The following ADAMTS2 variants were observed in gnomAD, a reference collection of about 807,000 sequenced individuals.
ADAMTS2 encodes ADAM metallopeptidase with thrombospondin type 1 motif 2, also known as A disintegrin and metalloproteinase with thrombospondin motifs 2.
ADAMTS2 carries 50 observed loss-of-function variants against 123.0 expected under a neutral mutation model. The observed-to-expected ratio is 0.41, with a 90% confidence interval of 0.32 to 0.51. The LOEUF (loss-of-function observed/expected upper bound fraction) is 0.51. Among genes scored for constraint, ADAMTS2 ranks in the 20% least tolerant of loss-of-function variants. The pLI is 0.35. For missense variants in ADAMTS2, 1,494 were observed against 1,705.2 expected, an observed-to-expected ratio of 0.88 and a Z score of 2.18; for synonymous variants, 678 against 695.4, an observed-to-expected ratio of 0.98 and a Z score of 0.39.
intron 3 of ADAMTS2, among the ~76,000 whole-genome samples, chr5:179,223,392 TCACA>T (rs36142929): frequency 2.7e-5 from 4 of 146,722 alleles, no homozygotes; most frequent in South Asian, 2.2e-4. Context: ...ACGAATGCAC[TCACA>T]CACACGCATG....
intron 17 of ADAMTS2, among the ~76,000 whole-genome samples, chr5:179,126,603 G>T (rs1481442693): frequency 6.6e-6 from 1 of 152,234 alleles, no homozygotes; most frequent in African/African-American, 2.4e-5. Context: ...CACAACTGGG[G>T]GAAGGGGTGC....
rs1192395986 is a variant in ADAMTS2, at chr5:179,202,596, T to C, written c.891+4917A>G. On this transcript the variant is annotated intron_variant, in intron 4 of 21. Transcript: ENST00000251582. The surrounding 1 kb of genome is among the most constrained non-coding windows in gnomAD (Gnocchi z 4.0). Reference sequence around the variant, plus strand: ...ACAGCTGCACCCCTTGCCTGACATATAATAGACGCCCCATAAACACCGGCC... The same window carrying C: ...ACAGCTGCACCCCTTGCCTGACATACAATAGACGCCCCATAAACACCGGCC... Among the ~76,000 whole-genome samples the C allele has an allele frequency of 1.3e-5, 2 of 152,096 alleles. No homozygotes were observed. The highest frequency in any genetic ancestry group is 6.5e-5 in the Admixed American group (1 of 15,276).
intron 3 of ADAMTS2, among the ~76,000 whole-genome samples, chr5:179,259,006 A>G (rs1766142823): frequency 6.6e-6 from 1 of 152,126 alleles, no homozygotes; most frequent in South Asian, 2.1e-4. Context: ...CACACAGGAC[A>G]GCAGCCTCCT....
intron 4 of ADAMTS2, among the ~76,000 whole-genome samples, chr5:179,183,729 G>A (rs10040944): frequency 0.15 from 22,847 of 152,272 alleles, 1,888 homozygotes; most frequent in African/African-American, 0.19. Flanking sequence ...CTGGCCTACA[G>A]GAGAGGAGGG....
chr5:179,330,175 C>A (rs1358441688), intron 2 of ADAMTS2, among the ~76,000 whole-genome samples: 1 of 151,320 alleles, frequency 6.6e-6, no homozygotes, highest in Admixed American at 6.6e-5. Flanking sequence ...AACAATAACA[C>A]GATTGCCTGA....
chr5:179,225,601 G>A lies in ADAMTS2; in HGVS notation c.689-17886C>T, dbSNP rs555548038. On this transcript the variant is annotated intron_variant, in intron 3 of 21. Transcript: ENST00000251582. This position sits in a 1 kb window ranked among gnomAD's most constrained non-coding sequence, Gnocchi z 4.5. ...AGGAACACACAGGCGGCTGGACGTCGAGAGGAACGCACCAACGAGCACCAG... is the reference window on the plus strand; with the variant it reads ...AGGAACACACAGGCGGCTGGACGTCAAGAGGAACGCACCAACGAGCACCAG... Among the ~76,000 whole-genome samples the A allele has an allele frequency of 6.1e-4, 93 of 152,268 alleles. No individual in the cohort carries two copies. Among genetic ancestry groups the A allele is most frequent in the South Asian group, 4.4e-3 (21 of 4,812 alleles).
At chr5:179,233,962 G>A (rs965289955) in intron 3 of ADAMTS2, among the ~76,000 whole-genome samples, 10 of 152,028 alleles carry the variant, frequency 6.6e-5, no homozygotes, top group African/African-American at 1.5e-4. Context: ...GATTTGAGCC[G>A]CAGGAGCCAG....
chr5:179,313,147 T>G (rs937027536), intron 2 of ADAMTS2, among the ~76,000 whole-genome samples: 3 of 152,196 alleles, frequency 2.0e-5, no homozygotes, highest in Non-Finnish European at 4.4e-5. Context: ...GCCTAAAGCC[T>G]TACCGGGGCT....
chr5:179,305,727 C>A (rs1756649281), intron 2 of ADAMTS2, among the ~76,000 whole-genome samples: 1 of 151,962 alleles, frequency 6.6e-6, no homozygotes. Flanking sequence ...ACTGATAAAT[C>A]TCTAGTGAGA....
chr5:179,140,152 G>T, intron 10 of ADAMTS2, 117 bp from the exon 11 acceptor site: 1 of 1,484,594 alleles, frequency 6.7e-7, no homozygotes, highest in Non-Finnish European at 9.3e-7. Flanking sequence ...GGGGCACAGG[G>T]GGAGCTCACC....
Position 179,128,021 on chromosome 5 carries a change from TC to T in ADAMTS2, c.2554del (p.Asp852ThrfsTer9). On this transcript the variant is annotated frameshift_variant, in exon 17 of 22. Coordinates refer to ENST00000251582, the MANE Select transcript of ADAMTS2 (RefSeq NM_014244.5). LOFTEE classifies it high-confidence loss of function. This position sits in a 1 kb window ranked among gnomAD's most constrained non-coding sequence, Gnocchi z 4.9. The stretch of plus-strand genomic sequence containing the variant: ...CAGGGCCCACTCGTAGACCACAGAG[TC>T]CTCTTCCAGGACGTTGTTGTCGTCG... ...NVDDNNVLEE[D>X]SVVYEWALKK... is the part of the protein sequence containing the mutation. The T allele has an allele frequency of 6.2e-7, 1 of 1,613,954 alleles. No individual in the cohort carries two copies. Among genetic ancestry groups the T allele is most frequent in the Non-Finnish European group, 8.5e-7 (1 of 1,180,014 alleles).
chr5:179,177,151 C>G (rs2113303642), intron 5 of ADAMTS2, among the ~76,000 whole-genome samples: 1 of 152,326 alleles, frequency 6.6e-6, no homozygotes, highest in South Asian at 2.1e-4. Context: ...CACACAGAAG[C>G]CCTTCAAACA....
intron 3 of ADAMTS2, among the ~76,000 whole-genome samples, chr5:179,230,661 A>G (rs959140465): frequency 1.3e-5 from 2 of 152,142 alleles, no homozygotes; most frequent in Non-Finnish European, 2.9e-5. Flanking sequence ...TCACGCATGT[A>G]CCTAAAACAT....
At chr5:179,344,693 C>T (rs1757888938) in intron 1 of ADAMTS2, among the ~76,000 whole-genome samples, 1 of 152,360 alleles carries the variant, frequency 6.6e-6, no homozygotes, top group East Asian at 1.9e-4. Flanking sequence ...TCCCGCTCAG[C>T]CCGCTGCCGG....
At position 179,132,391 on chromosome 5, in the gene ADAMTS2, C is replaced by T. The variant is rs1762980572; in HGVS notation, c.2210-81G>A. 7.3e-6 allele frequency: 10 copies of T among 1,363,582 alleles called. No individual in the cohort carries two copies. Among genetic ancestry groups the T allele is most frequent in the Admixed American group, 7.2e-5 (4 of 55,518 alleles). 84.5% of individuals were successfully genotyped at this position (1,363,582 alleles called of 1,614,324 possible). A position where few individuals can be genotyped will look rare whatever the true frequency, so the allele number is the denominator to read the frequency against. ...TCGCACCATGCAAGGAGGGGCCTCG[C>T]TCTTGAAGGCAGCTCCTCCGGAGGC... On this transcript the variant is annotated intron_variant, in intron 14 of 21. Coordinates refer to ENST00000251582, the MANE Select transcript of ADAMTS2 (RefSeq NM_014244.5). This position sits in a 1 kb window ranked among gnomAD's most constrained non-coding sequence, Gnocchi z 6.1.
chr5:179,315,309 A>C (rs1398599695), intron 2 of ADAMTS2, among the ~76,000 whole-genome samples: 4 of 152,246 alleles, frequency 2.6e-5, no homozygotes, highest in African/African-American at 9.6e-5. Context: ...GCTTCTGGAA[A>C]GCACTGAGGC....
intron 2 of ADAMTS2, 36 bp from the exon 3 acceptor site, chr5:179,273,100 A>G: frequency 6.2e-7 from 1 of 1,613,194 alleles, no homozygotes; most frequent in Non-Finnish European, 8.5e-7. Flanking sequence ...GATTTCCAGC[A>G]CACAAAAGAC....
intron 2 of ADAMTS2, among the ~76,000 whole-genome samples, chr5:179,293,723 C>T (rs907096641): frequency 1.3e-5 from 2 of 152,080 alleles, no homozygotes; most frequent in African/African-American, 4.8e-5. Context: ...AAGTGATTCT[C>T]GTGTCTCAGC....
intron 2 of ADAMTS2, among the ~76,000 whole-genome samples, chr5:179,288,858 C>T (rs1756103839): frequency 6.6e-6 from 1 of 152,206 alleles, no homozygotes; most frequent in Non-Finnish European, 1.5e-5. Context: ...GACAGTGGCA[C>T]CCCAGGGTAT....
Sources: allele counts gnomAD v4.1 joint callset (sites outside exome capture counted in the v4.1 genomes callset), GRCh38; gene constraint gnomAD v4.1.1; non-coding constraint Gnocchi (gnomAD v3.1); transcripts MANE v1.5; gene names NCBI Gene and HGNC (gene_info 2026-07-23, HGNC 2026-07-21).